The following DGLUCY variants were observed in gnomAD, a reference collection of about 807,000 sequenced individuals.
The protein encoded by DGLUCY is D-glutamate cyclase.
DGLUCY carries 58 observed loss-of-function variants against 58.5 expected under a neutral mutation model. The observed-to-expected ratio is 0.99, with a 90% confidence interval of 0.80 to 1.23. DGLUCY has a LOEUF of 1.23. DGLUCY is among the 50% of genes most tolerant of loss of function. The pLI is 0.00. For missense variants in DGLUCY, 779 were observed against 784.7 expected, an observed-to-expected ratio of 0.99 and a Z score of 0.09; for synonymous variants, 325 against 314.1, an observed-to-expected ratio of 1.03 and a Z score of -0.37.
intron 13 of DGLUCY, chr14:91,216,224 A>AG (rs11462551): frequency 1 from 161,311 of 161,312 alleles, 80,655 homozygotes; most frequent in Middle Eastern, 1. Flanking sequence ...TTCAGACCGC[A>AG]GGCCCACAAG....
chr14:91,131,991 C>T lies in DGLUCY; in HGVS notation c.-82+17708C>T, dbSNP rs565466532. Reference sequence around the variant, plus strand: ...TATTTTTAGTAGAGACAGGGTTTCTCCATGTTCGTCAGGCTGATCTTAAAC... The same window carrying T: ...TATTTTTAGTAGAGACAGGGTTTCTTCATGTTCGTCAGGCTGATCTTAAAC... On this transcript the variant is annotated intron_variant, in intron 1 of 13. Coordinates refer to ENST00000256324, the MANE Select transcript of DGLUCY (RefSeq NM_001102368.3). 1.4e-3 allele frequency among the ~76,000 whole-genome samples: 217 copies of T among 152,256 alleles called. 1 individual carries two copies. The highest frequency in any genetic ancestry group is 5.1e-3 in the African/African-American group (212 of 41,534).
Position 91,188,875 on chromosome 14 carries a change from A to G in DGLUCY, c.935-35A>G, listed in dbSNP as rs1325987175. ...CATACATACAAATAATTTTAAAAAT[A>G]TAGTTACTTTTACATTCTATTTTTG... On this transcript the variant is annotated intron_variant, in intron 8 of 13. Transcript: ENST00000256324. The G allele has an allele frequency of 3.2e-6, 5 of 1,572,598 alleles. No homozygotes were observed. In the South Asian group the frequency reaches 3.5e-5, roughly 11 times the overall value.
intron 13 of DGLUCY, chr14:91,223,599 A>G (rs1167956233): frequency 4.3e-6 from 5 of 1,165,330 alleles, no homozygotes; most frequent in African/African-American, 1.6e-5. Flanking sequence ...GGCTTGGGCA[A>G]GTGGTGCTTT....
chr14:91,143,029 CAAA>C (rs34164664), intron 1 of DGLUCY, among the ~76,000 whole-genome samples: 6 of 83,080 alleles, frequency 7.2e-5, no homozygotes, highest in Non-Finnish European at 6.7e-5. Flanking sequence ...GACTCCCTCT[CAAA>C]AAAAAAAAAA....
At chr14:91,106,136 C>T (rs1353505765), upstream of DGLUCY, among the ~76,000 whole-genome samples, 8 of 151,780 alleles carry the variant, frequency 5.3e-5, no homozygotes, top group Non-Finnish European at 1.0e-4. Context: ...GGTGAAAGCC[C>T]GTTTCTACTA....
chr14:91,197,814 C>A (rs2050308806), intron 10 of DGLUCY, among the ~76,000 whole-genome samples: 1 of 152,208 alleles, frequency 6.6e-6, no homozygotes, highest in Non-Finnish European at 1.5e-5. Flanking sequence ...ACTGGGTTTG[C>A]TTCCTGCTCT....
At position 91,139,562 on chromosome 14, in the gene DGLUCY, A is replaced by G. The variant is rs1433151317; in HGVS notation, c.-81-18077A>G. Among the ~76,000 whole-genome samples, 4 of 152,136 alleles carry G rather than the reference A, an allele frequency of 2.6e-5. No individual in the cohort carries two copies. The South Asian group carries it at 6.2e-4, about 24-fold the overall frequency. On this transcript the variant is annotated intron_variant, in intron 1 of 13. Transcript: ENST00000256324. Reference sequence around the variant, plus strand: ...GAGCTGGATGTGGTGGCTTGTGCCTATAATCCCAGCTACTTGGGAGGCTGA... The same window carrying G: ...GAGCTGGATGTGGTGGCTTGTGCCTGTAATCCCAGCTACTTGGGAGGCTGA...
intron 1 of DGLUCY, among the ~76,000 whole-genome samples, chr14:91,085,221 CA>C (rs745438426): frequency 0.048 from 4,288 of 89,280 alleles, 168 homozygotes; most frequent in African/African-American, 0.13. Context: ...AACCCTGTCT[CA>C]AAAAAAAAAA....
intron 8 of DGLUCY, among the ~76,000 whole-genome samples, chr14:91,184,584 G>GGGGA (rs1339678417): frequency 2.6e-5 from 3 of 114,132 alleles, no homozygotes; most frequent in Admixed American, 8.5e-5. Flanking sequence ...AGTTGGGGGG[G>GGGGA]GGGAGGGAGG....
intron 1 of DGLUCY, among the ~76,000 whole-genome samples, chr14:91,147,558 T>C (rs1377979388): frequency 6.6e-6 from 1 of 152,180 alleles, no homozygotes; most frequent in Non-Finnish European, 1.5e-5. Context: ...TGAATGTAAA[T>C]GAACCTAGGC....
chr14:91,215,346 A>G, intron 12 of DGLUCY, 59 bp from the exon 13 acceptor site: 2 of 1,550,086 alleles, frequency 1.3e-6, no homozygotes, highest in Non-Finnish European at 1.7e-6. Flanking sequence ...TCCTAGAGGC[A>G]GGCTGACAGA....
chr14:91,216,895 G>A (rs1051161819), intron 13 of DGLUCY, among the ~76,000 whole-genome samples: 3 of 152,244 alleles, frequency 2.0e-5, no homozygotes, highest in African/African-American at 7.2e-5. Context: ...TGCATATGGG[G>A]AAAATGCAAA....
chr14:91,150,974 C>T (rs2047303525), intron 1 of DGLUCY, among the ~76,000 whole-genome samples: 1 of 152,180 alleles, frequency 6.6e-6, no homozygotes, highest in Non-Finnish European at 1.5e-5. Flanking sequence ...CCCACCCCAT[C>T]TCCTGGACCC....
intron 13 of DGLUCY, among the ~76,000 whole-genome samples, chr14:91,218,815 G>A (rs147932970): frequency 0.01 from 1,556 of 152,254 alleles, 16 homozygotes; most frequent in Middle Eastern, 0.044. Flanking sequence ...CTGGGTGGGG[G>A]ACTCAGGGTC....
At position 91,224,899 on chromosome 14, in the gene DGLUCY, C is replaced by G. The variant is rs557962926; in HGVS notation, c.*66C>G. The G allele has an allele frequency of 7.5e-6, 11 of 1,464,898 alleles. No individual in the cohort carries two copies. In the South Asian group the frequency reaches 1.5e-4, roughly 20 times the overall value. The allele number at this position is 1,464,898 out of a possible 1,614,324, so 90.7% of individuals were successfully genotyped here. On this transcript the variant is annotated 3_prime_UTR_variant, in exon 14 of 14. Transcript: ENST00000256324. ...AGGTCTGCATCCGGGGAGAATGCAG[C>G]TGCTTCTGGCGACAATCCTGCTAGT... is the stretch of plus-strand genomic sequence containing the variant.
chr14:91,149,887 C>G (rs2047216727), intron 1 of DGLUCY, among the ~76,000 whole-genome samples: 1 of 152,170 alleles, frequency 6.6e-6, no homozygotes. Context: ...CACAGTCATG[C>G]TGGGCAGACA....
chr14:91,197,979 A>G (rs2050319719), intron 10 of DGLUCY, among the ~76,000 whole-genome samples: 1 of 152,246 alleles, frequency 6.6e-6, no homozygotes, highest in South Asian at 2.1e-4. Flanking sequence ...TATTTTATAT[A>G]GCAGAGTTGA....
upstream of DGLUCY, among the ~76,000 whole-genome samples, chr14:91,104,916 T>C (rs542447023): frequency 1.2e-4 from 19 of 152,348 alleles, no homozygotes; most frequent in South Asian, 3.9e-3. Context: ...CAGCACTTAC[T>C]GCATAGAGTT....
intron 1 of DGLUCY, among the ~76,000 whole-genome samples, chr14:91,126,923 C>T (rs2045720944): frequency 6.6e-6 from 1 of 152,146 alleles, no homozygotes; most frequent in Non-Finnish European, 1.5e-5. Flanking sequence ...CCTTGACTGC[C>T]TGGCATCCAT....
Sources: allele counts gnomAD v4.1 joint callset (sites outside exome capture counted in the v4.1 genomes callset), GRCh38; gene constraint gnomAD v4.1.1; transcripts MANE v1.5; gene names NCBI Gene and HGNC (gene_info 2026-07-23, HGNC 2026-07-21).